The following ITGB5 variants were observed in gnomAD, a reference collection of about 807,000 sequenced individuals.
ITGB5 encodes integrin subunit beta 5.
A neutral mutation model predicts 84.8 loss-of-function variants in ITGB5; 38 were observed. That is an observed-to-expected ratio of 0.45 (90% confidence interval 0.35 to 0.59). The LOEUF (loss-of-function observed/expected upper bound fraction) is 0.59, where lower values mean the gene tolerates loss of function less well. ITGB5 is among the 20% of genes least tolerant of loss of function. The pLI, the probability that ITGB5 is intolerant of heterozygous loss-of-function variation, is 0.01. For missense variants in ITGB5, 905 were observed against 1,034.5 expected (o/e 0.87, Z 1.72); for synonymous variants, 393 against 414.4 (o/e 0.95, Z 0.63).
chr3:124,865,474 C>CTTTTTTTTTTTTTTTTTTT (rs1559977008), intron 2 of ITGB5, among the ~76,000 whole-genome samples: 1 of 57,876 alleles, frequency 1.7e-5, no homozygotes. Flanking sequence ...TCCTTTGCGG[C>CTTTTTTTTTTTTTTTTTTT]TTTTTTCTTT....
At chr3:124,865,768 G>A (rs774388815) in intron 2 of ITGB5, among the ~76,000 whole-genome samples, 6 of 151,462 alleles carry the variant, frequency 4.0e-5, no homozygotes, top group Middle Eastern at 3.5e-3. Context: ...GATTATAGGC[G>A]TGAGCCACCA....
intron 9 of ITGB5, among the ~76,000 whole-genome samples, chr3:124,801,000 C>T (rs1200072892): frequency 6.6e-6 from 1 of 152,206 alleles, no homozygotes; most frequent in Non-Finnish European, 1.5e-5. Context: ...CCTGATGCAC[C>T]CTTTCAAAAG....
At chr3:124,832,366 TG>T (rs2064872204) in intron 5 of ITGB5, among the ~76,000 whole-genome samples, 2 of 152,206 alleles carry the variant, frequency 1.3e-5, no homozygotes, top group Non-Finnish European at 2.9e-5. Flanking sequence ...TGTAAAACTT[TG>T]GGGAAGTTAC....
intron 10 of ITGB5, among the ~76,000 whole-genome samples, chr3:124,782,233 G>A (rs2064015685): frequency 6.6e-6 from 1 of 152,176 alleles, no homozygotes; most frequent in South Asian, 2.1e-4. Context: ...ATAGAAATGA[G>A]GCACAGAGAA....
intron 2 of ITGB5, among the ~76,000 whole-genome samples, chr3:124,869,547 C>T (rs2065445042): frequency 6.6e-6 from 1 of 152,124 alleles, no homozygotes; most frequent in Admixed American, 6.6e-5. Flanking sequence ...TGCACTCCAG[C>T]CTGGATGATG....
intron 9 of ITGB5, among the ~76,000 whole-genome samples, chr3:124,800,592 C>T (rs1447673073): frequency 2.0e-5 from 3 of 149,276 alleles, no homozygotes; most frequent in East Asian, 1.9e-4. Context: ...CCCTGTGCAG[C>T]CTGGAGTGTA....
chr3:124,784,362 A>C (rs924197235), intron 10 of ITGB5, among the ~76,000 whole-genome samples: 2 of 151,978 alleles, frequency 1.3e-5, no homozygotes, highest in African/African-American at 4.8e-5. Flanking sequence ...AAAATTAGCC[A>C]GGCATGGTGG....
At position 124,771,572 on chromosome 3, in the gene ITGB5, G is replaced by C. The variant is rs376182922; in HGVS notation, c.1916+2118C>G. 2.5e-4 allele frequency among the ~76,000 whole-genome samples: 38 copies of C among 151,866 alleles called. No homozygotes were observed. In the South Asian group the frequency reaches 7.7e-3, roughly 31 times the overall value. On this transcript the variant is annotated intron_variant, in intron 11 of 14. Coordinates refer to ENST00000296181, the MANE Select transcript of ITGB5 (RefSeq NM_002213.5). The stretch of plus-strand genomic sequence containing the variant: ...GAGACCAGCCTGGTCAACATAGCAA[G>C]ACCCTGTCTCTACAAAAAAATAAAA...
chr3:124,854,870 C>G (rs2065201927), intron 3 of ITGB5, among the ~76,000 whole-genome samples: 1 of 152,096 alleles, frequency 6.6e-6, no homozygotes, highest in Admixed American at 6.5e-5. Flanking sequence ...AATTACTTTG[C>G]CTTCATGAAG....
At chr3:124,842,973 A>G (rs895298874) in intron 4 of ITGB5, among the ~76,000 whole-genome samples, 2 of 150,484 alleles carry the variant, frequency 1.3e-5, no homozygotes, top group Non-Finnish European at 3.0e-5. Flanking sequence ...AATCAGCCCC[A>G]CTCCTGTGAT....
intron 5 of ITGB5, among the ~76,000 whole-genome samples, chr3:124,840,601 G>A (rs1182785824): frequency 6.6e-6 from 1 of 151,838 alleles, no homozygotes; most frequent in Non-Finnish European, 1.5e-5. Flanking sequence ...ATATATCACA[G>A]AGAAGCAGGA....
upstream of ITGB5, among the ~76,000 whole-genome samples, chr3:124,888,217 C>T (rs1934913063): frequency 6.6e-6 from 1 of 152,126 alleles, no homozygotes; most frequent in South Asian, 2.1e-4. Flanking sequence ...GTGCCCGGCC[C>T]ACTTTTCACT....
chr3:124,787,263 T>G (rs1048460542), intron 10 of ITGB5, among the ~76,000 whole-genome samples: 7 of 152,174 alleles, frequency 4.6e-5, no homozygotes, highest in Admixed American at 4.6e-4. Context: ...AGGTGAATTG[T>G]TGCTTAAGAT....
intron 1 of ITGB5, among the ~76,000 whole-genome samples, chr3:124,880,621 AAAAT>A (rs374857715): frequency 6.6e-6 from 1 of 152,094 alleles, no homozygotes; most frequent in Non-Finnish European, 1.5e-5. Flanking sequence ...CTTTTTTTAA[AAAAT>A]AAATAAATAA....
rs2063844608 is a variant in ITGB5, at chr3:124,771,578, GTC to G, written c.1916+2110_1916+2111del. On this transcript the variant is annotated intron_variant, in intron 11 of 14. Coordinates refer to ENST00000296181, the MANE Select transcript of ITGB5 (RefSeq NM_002213.5). ...AGCCTGGTCAACATAGCAAGACCCT[GTC>G]TCTACAAAAAAATAAAAATTAGCCA... 2.6e-5 allele frequency among the ~76,000 whole-genome samples: 4 copies of G among 151,860 alleles called. No individual in the cohort carries two copies. The South Asian group carries it at 8.4e-4, about 32-fold the overall frequency.
chr3:124,824,448 A>G (rs919274731), intron 5 of ITGB5, among the ~76,000 whole-genome samples: 3 of 152,224 alleles, frequency 2.0e-5, no homozygotes, highest in Non-Finnish European at 4.4e-5. Flanking sequence ...GAAACCTAGG[A>G]GAAAATCTTT....
chr3:124,808,394 C>T (rs186402985), intron 9 of ITGB5, among the ~76,000 whole-genome samples: 94 of 152,328 alleles, frequency 6.2e-4, no homozygotes, highest in East Asian at 2.1e-3. Flanking sequence ...CATCACCACT[C>T]GCGGCCTCTG....
chr3:124,763,446 G>A lies in ITGB5; in HGVS notation c.*177C>T. The A allele has an allele frequency of 2.0e-6, 1 of 502,302 alleles. No homozygotes were observed. The highest frequency in any genetic ancestry group is 2.6e-5 in the South Asian group (1 of 38,418). The allele number at this position is 502,302 out of a possible 1,614,324, so 31.1% of individuals were successfully genotyped here. A position where few individuals can be genotyped will look rare whatever the true frequency, so the allele number is the denominator to read the frequency against. On this transcript the variant is annotated 3_prime_UTR_variant, in exon 15 of 15. Coordinates refer to ENST00000296181, the MANE Select transcript of ITGB5 (RefSeq NM_002213.5). ...GGCATGGCTCTGGCCTAGCAGCCAG[G>A]TGACATGGCCAGGCACCTTCCTGTA...
At chr3:124,805,609 G>T (rs1430799272) in intron 9 of ITGB5, among the ~76,000 whole-genome samples, 4 of 152,076 alleles carry the variant, frequency 2.6e-5, no homozygotes, top group Non-Finnish European at 5.9e-5. Context: ...GCGCTACCAT[G>T]CCCGGCTAAT....
Sources: gnomAD v4.1 joint callset for allele counts (sites outside exome capture counted in the v4.1 genomes callset) on GRCh38, gnomAD v4.1.1 for gene constraint, MANE v1.5 for transcripts, NCBI Gene and HGNC (gene_info 2026-07-23, HGNC 2026-07-21) for gene names.